Variants in BMP7 observed in about 807,000 individuals in gnomAD.
BMP7 encodes the protein osteogenic protein 1.
A neutral mutation model predicts 41.2 loss-of-function variants in BMP7; 12 were observed. That is an observed-to-expected ratio of 0.29 (90% confidence interval 0.19 to 0.47). BMP7 has a LOEUF of 0.47. Among genes scored for constraint, BMP7 ranks in the 20% least tolerant of loss-of-function variants. BMP7 has a pLI of 0.99. For synonymous variants in BMP7, 248 were observed against 250.0 expected, an observed-to-expected ratio of 0.99 and a Z score of 0.07; for missense variants, 467 against 606.0, an observed-to-expected ratio of 0.77 and a Z score of 2.41.
At chr20:57,196,287 GA>G (rs1984489425) in intron 3 of BMP7, among the ~76,000 whole-genome samples, 1 of 152,214 alleles carries the variant, frequency 6.6e-6, no homozygotes. Flanking sequence ...TTGATTTGTA[GA>G]GCAGCAGGAA....
chr20:57,213,278 C>T lies in BMP7; in HGVS notation c.612-10655G>A, dbSNP rs996173446. Among the ~76,000 whole-genome samples the T allele has an allele frequency of 3.3e-5, 5 of 152,124 alleles. No homozygotes were observed. On this transcript the variant is annotated intron_variant, in intron 2 of 6. Transcript: ENST00000395863. This position sits in a 1 kb window ranked among gnomAD's most constrained non-coding sequence, Gnocchi z 4.4. ...CACAGTCAGAAGGCGAGTCAGTGGCCCTTATGTTCTAGCCCTCAGTTTCTC... is the reference window on the plus strand; with the variant it reads ...CACAGTCAGAAGGCGAGTCAGTGGCTCTTATGTTCTAGCCCTCAGTTTCTC...
intron 3 of BMP7, among the ~76,000 whole-genome samples, chr20:57,196,317 C>T (rs1984490151): frequency 1.3e-5 from 2 of 152,204 alleles, no homozygotes; most frequent in African/African-American, 2.4e-5. Context: ...GAACCATACT[C>T]AGAGCCTCAG....
intron 1 of BMP7, among the ~76,000 whole-genome samples, chr20:57,230,804 G>GCC (rs2066026450): frequency 1.3e-5 from 2 of 151,502 alleles, no homozygotes; most frequent in Admixed American, 6.6e-5. Context: ...AGCCTCCCAA[G>GCC]TGGCTGGGAC....
intron 1 of BMP7, among the ~76,000 whole-genome samples, chr20:57,229,137 C>T (rs2066019336): frequency 6.6e-6 from 1 of 152,210 alleles, no homozygotes; most frequent in Non-Finnish European, 1.5e-5. Flanking sequence ...ATACTGCCAT[C>T]TTGGCAGATT....
chr20:57,234,427 C>A (rs1394973292), intron 1 of BMP7, among the ~76,000 whole-genome samples: 1 of 152,154 alleles, frequency 6.6e-6, no homozygotes, highest in East Asian at 1.9e-4. Context: ...AGGAGAGAGA[C>A]CTGCTGGGTT....
intron 1 of BMP7, among the ~76,000 whole-genome samples, chr20:57,247,804 C>T (rs2066096327): frequency 6.6e-6 from 1 of 152,168 alleles, no homozygotes; most frequent in African/African-American, 2.4e-5. Context: ...GCCTGTCCCA[C>T]AAGCAGAACT....
At chr20:57,219,246 C>T (rs866148660) in intron 2 of BMP7, among the ~76,000 whole-genome samples, 1 of 126,268 alleles carries the variant, frequency 7.9e-6, no homozygotes, top group South Asian at 2.1e-4. Flanking sequence ...CTGGTGTTTG[C>T]TGGTAGCTGG....
At chr20:57,227,280 C>T (rs1320142926) in intron 2 of BMP7, among the ~76,000 whole-genome samples, 1 of 152,168 alleles carries the variant, frequency 6.6e-6, no homozygotes, top group African/African-American at 2.4e-5. Context: ...AGATAAGCCA[C>T]CACTTCTGAA....
rs1181689264 is a variant in BMP7, at chr20:57,228,180, C to A, written c.611+49G>T. The A allele has an allele frequency of 6.3e-7, 1 of 1,585,546 alleles. No individual in the cohort carries two copies. Among genetic ancestry groups the A allele is most frequent in the East Asian group, 2.2e-5 (1 of 44,754 alleles). ...TGGCCCTCACCACCTTCTTCCTCTG[C>A]CCCCAGAGGAAACTCAGCACCTCTC... is the stretch of plus-strand genomic sequence containing the variant. On this transcript the variant is annotated intron_variant, in intron 2 of 6. Coordinates refer to ENST00000395863, the MANE Select transcript of BMP7 (RefSeq NM_001719.3). This position sits in a 1 kb window ranked among gnomAD's most constrained non-coding sequence, Gnocchi z 4.5.
At chr20:57,196,652 A>T (rs1015515451) in intron 3 of BMP7, among the ~76,000 whole-genome samples, 2 of 152,194 alleles carry the variant, frequency 1.3e-5, no homozygotes, top group African/African-American at 4.8e-5. Flanking sequence ...GCCCACGAAA[A>T]CACTATAATG....
At chr20:57,241,726 T>TGAGCCTG (rs2066070544) in intron 1 of BMP7, among the ~76,000 whole-genome samples, 1 of 152,188 alleles carries the variant, frequency 6.6e-6, no homozygotes, top group African/African-American at 2.4e-5. Flanking sequence ...TCATGAGCCC[T>TGAGCCTG]GAGCCTGCAG....
intron 1 of BMP7, among the ~76,000 whole-genome samples, chr20:57,250,952 C>T (rs1428960994): frequency 1.3e-5 from 2 of 152,254 alleles, no homozygotes; most frequent in Non-Finnish European, 2.9e-5. Flanking sequence ...GCCAGCTGCC[C>T]TGATCCAAGT....
chr20:57,225,658 C>T (rs1277702303), intron 2 of BMP7, among the ~76,000 whole-genome samples: 1 of 152,018 alleles, frequency 6.6e-6, no homozygotes, highest in African/African-American at 2.4e-5. Flanking sequence ...CATCTTGGTT[C>T]TAGGTTGAAA....
Position 57,183,731 on chromosome 20 carries a change from T to A in BMP7, c.949A>T (p.Asn317Tyr). 1 of 1,614,100 alleles carries A rather than the reference T, an allele frequency of 6.2e-7. No individual in the cohort carries two copies. The highest frequency in any genetic ancestry group is 8.5e-7 in the Non-Finnish European group (1 of 1,180,042). Residue 317 changes from asparagine to tyrosine, a missense_variant, in exon 4 of 7, where the codon AAC (asparagine) becomes TAC (tyrosine). Transcript: ENST00000395863. ...TCCCACCTAAGCATACCTGCCACGTTGGCCATCCGCAGGGCTTCCTGGTTC... is the reference window on the plus strand; with the variant it reads ...TCCCACCTAAGCATACCTGCCACGTAGGCCATCCGCAGGGCTTCCTGGTTC... ...PKNQEALRMA[N>Y]VAENSSSDQR...
At chr20:57,195,610 G>C (rs143948532) in intron 3 of BMP7, among the ~76,000 whole-genome samples, 6 of 152,266 alleles carry the variant, frequency 3.9e-5, no homozygotes, top group African/African-American at 1.4e-4. Context: ...GGGCGGCATC[G>C]CTCACCAGCC....
intron 3 of BMP7, among the ~76,000 whole-genome samples, chr20:57,197,526 A>G (rs73183007): frequency 0.11 from 16,252 of 151,806 alleles, 744 homozygotes; most frequent in African/African-American, 0.14. Context: ...TGGAGTCACA[A>G]TCCTCTGGCC....
chr20:57,216,138 G>T (rs996511041), intron 2 of BMP7, among the ~76,000 whole-genome samples: 1 of 152,150 alleles, frequency 6.6e-6, no homozygotes, highest in South Asian at 2.1e-4. Context: ...TGAAGCCGGG[G>T]GGGTCCAGGA....
rs1029721021 is a variant in BMP7, at chr20:57,228,116, A to G, written c.611+113T>C. On this transcript the variant is annotated intron_variant, in intron 2 of 6. Coordinates refer to ENST00000395863, the MANE Select transcript of BMP7 (RefSeq NM_001719.3). This position sits in a 1 kb window ranked among gnomAD's most constrained non-coding sequence, Gnocchi z 4.5. ...TTCTTTAGAAGGGATAATCTGGTACAGGGCCTGGCACGTGGTTGTGCCAAT... is the reference window on the plus strand; with the variant it reads ...TTCTTTAGAAGGGATAATCTGGTACGGGGCCTGGCACGTGGTTGTGCCAAT... 12 of 1,180,640 alleles carry G rather than the reference A, an allele frequency of 1.0e-5. No homozygotes were observed. Among genetic ancestry groups the G allele is most frequent in the Non-Finnish European group, 1.5e-5 (12 of 790,302 alleles). The allele number at this position is 1,180,640 out of a possible 1,614,324, so 73.1% of individuals were successfully genotyped here. A position where few individuals can be genotyped will look rare whatever the true frequency, so the allele number is the denominator to read the frequency against.
intron 3 of BMP7, among the ~76,000 whole-genome samples, chr20:57,190,114 G>A (rs1191865531): frequency 4.6e-5 from 7 of 152,236 alleles, no homozygotes; most frequent in African/African-American, 1.7e-4. Flanking sequence ...AACCAGAGAG[G>A]TTGAGACTGG....
Sources: allele counts gnomAD v4.1 joint callset (sites outside exome capture counted in the v4.1 genomes callset), GRCh38; gene constraint gnomAD v4.1.1; non-coding constraint Gnocchi (gnomAD v3.1); transcripts MANE v1.5; gene names NCBI Gene and HGNC (gene_info 2026-07-23, HGNC 2026-07-21).